Variants in RASEF observed in about 807,000 individuals in gnomAD.
The protein encoded by RASEF is ras and EF-hand domain-containing protein.
RASEF carries 68 observed loss-of-function variants against 90.1 expected under a neutral mutation model. The ratio of observed to expected loss-of-function variants is 0.75; its 90% CI spans 0.62 to 0.92. The LOEUF (loss-of-function observed/expected upper bound fraction) is 0.92. RASEF is among the 40% of genes least tolerant of loss of function. The pLI is 0.00. For missense variants in RASEF, 949 were observed against 937.2 expected (o/e 1.01, Z -0.16); for synonymous variants, 331 against 345.2 (o/e 0.96, Z 0.46).
At chr9:83,160,693 A>G in the RASEF span, among the ~76,000 whole-genome samples, 2 of 152,190 alleles carry the variant, frequency 1.3e-5, no homozygotes. Context: ...GATAATGGGG[A>G]AAATGTCTCC....
At chr9:83,141,256 G>T in the RASEF span, among the ~76,000 whole-genome samples, 2 of 151,944 alleles carry the variant, frequency 1.3e-5, no homozygotes, top group Non-Finnish European at 2.9e-5. Flanking sequence ...CCAAGACAGT[G>T]CAGGACAGAA....
In RASEF at chr9:83,062,981, C is replaced by T; in HGVS notation, c.-114G>A. ...GGAGGCCCGGCGAGTTTGGCTCGTC[C>T]GGCTGGTTCGGCCACTTGAGGGAAC... On this transcript the variant is annotated 5_prime_UTR_variant, in exon 1 of 17. Transcript: ENST00000376447. 1 of 1,155,586 alleles carries T rather than the reference C, an allele frequency of 8.7e-7. No individual in the cohort carries two copies. Among genetic ancestry groups the T allele is most frequent in the Non-Finnish European group, 1.1e-6 (1 of 879,540 alleles). The allele number at this position is 1,155,586 out of a possible 1,614,324, so 71.6% of individuals were successfully genotyped here.
At chr9:83,191,854 C>T in the RASEF span, among the ~76,000 whole-genome samples, 2 of 152,160 alleles carry the variant, frequency 1.3e-5, no homozygotes, top group African/African-American at 4.8e-5. Context: ...CAGGAACTTT[C>T]TGTAGTATTT....
At chr9:83,104,425 G>A in the RASEF span, among the ~76,000 whole-genome samples, 1 of 152,128 alleles carries the variant, frequency 6.6e-6, no homozygotes, top group Admixed American at 6.6e-5. Context: ...GAAACTGAGA[G>A]AGCTTGCGAG....
the RASEF span, among the ~76,000 whole-genome samples, chr9:83,202,624 C>T: frequency 4.6e-5 from 7 of 151,974 alleles, no homozygotes; most frequent in Non-Finnish European, 1.0e-4. Context: ...TACAGGTGCC[C>T]GCCACTATGC....
At chr9:83,095,183 G>A in the RASEF span, among the ~76,000 whole-genome samples, 1 of 152,084 alleles carries the variant, frequency 6.6e-6, no homozygotes, top group Non-Finnish European at 1.5e-5. Flanking sequence ...CTAGAAGGTA[G>A]CTGTATAAGG....
At chr9:83,144,391 G>GAAAT in the RASEF span, among the ~76,000 whole-genome samples, 2 of 33,220 alleles carry the variant, frequency 6.0e-5, 1 homozygote, top group Non-Finnish European at 1.2e-4. Context: ...AAGAAAGAAA[G>GAAAT]GAAAGAAAGA....
chr9:83,166,653 T>TACC, the RASEF span, among the ~76,000 whole-genome samples: 65 of 152,268 alleles, frequency 4.3e-4, no homozygotes, highest in Non-Finnish European at 8.7e-4. Flanking sequence ...TCCTTCTCCT[T>TACC]ACCACCTACT....
At chr9:83,001,327 A>C (rs1001346497) in intron 9 of RASEF, among the ~76,000 whole-genome samples, 197 bp from the exon 10 acceptor site, 2 of 152,230 alleles carry the variant, frequency 1.3e-5, no homozygotes, top group African/African-American at 4.8e-5. Flanking sequence ...CAATCAGTTA[A>C]GATAAAGAAC....
At position 83,030,449 on chromosome 9, in the gene RASEF, T is replaced by G. The variant is rs1829625983; in HGVS notation, c.432-4528A>C. On this transcript the variant is annotated intron_variant, in intron 1 of 16. Coordinates refer to ENST00000376447, the MANE Select transcript of RASEF (RefSeq NM_152573.4). ...TTCAGAAGTACACATCTCAGTAGAT[T>G]CCCTCACTTTTTGCAAATTTCTAAA... Among the ~76,000 whole-genome samples the G allele has an allele frequency of 2.0e-5, 3 of 152,190 alleles. No individual in the cohort carries two copies. In the South Asian group the frequency reaches 6.2e-4, roughly 32 times the overall value.
chr9:83,166,749 G>A, the RASEF span, among the ~76,000 whole-genome samples: 1 of 152,172 alleles, frequency 6.6e-6, no homozygotes, highest in Non-Finnish European at 1.5e-5. Context: ...TCTCCTGGCT[G>A]AGCTCTTAGG....
chr9:83,096,955 C>T, the RASEF span, among the ~76,000 whole-genome samples: 3 of 152,062 alleles, frequency 2.0e-5, no homozygotes, highest in African/African-American at 7.2e-5. Flanking sequence ...CTACAAAGGA[C>T]ATGAACTCAT....
At chr9:83,120,455 A>G in the RASEF span, among the ~76,000 whole-genome samples, 2 of 152,200 alleles carry the variant, frequency 1.3e-5, no homozygotes, top group African/African-American at 4.8e-5. Context: ...GCCTAGCCCT[A>G]GAATTTGCCA....
the RASEF span, among the ~76,000 whole-genome samples, chr9:83,139,185 G>A: frequency 6.6e-6 from 1 of 152,118 alleles, no homozygotes; most frequent in East Asian, 1.9e-4. Context: ...CTCTTAACAG[G>A]ATCCCAGAGG....
At chr9:83,067,993 C>G (rs1830295884), upstream of RASEF, among the ~76,000 whole-genome samples, 1 of 152,164 alleles carries the variant, frequency 6.6e-6, no homozygotes, top group Admixed American at 6.6e-5. Context: ...CCTCCCGTCT[C>G]AGTCGCTGGA....
At chr9:82,987,836 G>T (rs1828736187) in intron 16 of RASEF, among the ~76,000 whole-genome samples, 1 of 152,144 alleles carries the variant, frequency 6.6e-6, no homozygotes, top group Admixed American at 6.5e-5. Context: ...GAAATACAGG[G>T]ACTTGTTCAA....
chr9:83,129,518 G>A, the RASEF span, among the ~76,000 whole-genome samples: 1 of 152,084 alleles, frequency 6.6e-6, no homozygotes, highest in Non-Finnish European at 1.5e-5. Context: ...TAAATAGAGA[G>A]TATTTATTTC....
intron 8 of RASEF, 81 bp downstream of exon 8, chr9:83,005,335 A>C (rs1290718105): frequency 3.0e-6 from 3 of 1,011,584 alleles, no homozygotes; most frequent in Admixed American, 1.8e-5. Context: ...CTCTCCTTTA[A>C]GAAATTACAT....
Position 83,041,158 on chromosome 9 carries a change from G to C in RASEF, c.432-15237C>G, listed in dbSNP as rs1829833932. On this transcript the variant is annotated intron_variant, in intron 1 of 16. Coordinates refer to ENST00000376447, the MANE Select transcript of RASEF (RefSeq NM_152573.4). ...TTACAGGCATGCGCCACCGTGCCCG[G>C]TGCTCTGGCCTTTTTAAAAGCCTAT... 4.6e-5 allele frequency among the ~76,000 whole-genome samples: 7 copies of C among 152,318 alleles called. No individual in the cohort carries two copies. The South Asian group carries it at 1.4e-3, about 32-fold the overall frequency.
Sources: allele counts gnomAD v4.1 joint callset (sites outside exome capture counted in the v4.1 genomes callset), GRCh38; gene constraint gnomAD v4.1.1; transcripts MANE v1.5; gene names NCBI Gene and HGNC (gene_info 2026-07-23, HGNC 2026-07-21).